SDK2: variants seen among roughly 807,000 people sequenced by gnomAD.
The protein encoded by SDK2 is sidekick cell adhesion molecule 2, also known as protein sidekick-2.
Under a neutral mutation model 253.9 loss-of-function variants are expected in SDK2, and 105 were observed. That is an observed-to-expected ratio of 0.41 (90% CI 0.35 to 0.49). The LOEUF is 0.49. SDK2 is among the 20% of genes least tolerant of loss of function. The probability of loss-of-function intolerance (pLI) is 0.06; values close to 1 mark genes in which losing one functional copy is unlikely to be tolerated. For synonymous variants in SDK2, 1,249 were observed against 1,234.9 expected (o/e 1.01, Z -0.24); for missense variants, 2,608 against 3,003.0 (o/e 0.87, Z 3.07).
chr17:73,334,509 A>C lies in SDK2; in HGVS notation c.*4078T>G, dbSNP rs2062363864. ...TAAAAAATAAACCTGCTAACACGCT[A>C]TATGACATAGAGATATATATTTTTT... On this transcript the variant is annotated 3_prime_UTR_variant, in exon 45 of 45. Coordinates refer to ENST00000392650, the MANE Select transcript of SDK2 (RefSeq NM_001144952.2). 6.6e-6 allele frequency: 1 copy of C among 152,260 alleles called. No homozygotes were observed. The highest frequency in any genetic ancestry group is 2.1e-4 in the South Asian group (1 of 4,836). 9.4% of individuals were successfully genotyped at this position (152,260 alleles called of 1,614,324 possible).
intron 36 of SDK2, among the ~76,000 whole-genome samples, chr17:73,370,276 T>C (rs2062723628): frequency 6.6e-6 from 1 of 152,054 alleles, no homozygotes; most frequent in Admixed American, 6.5e-5. Flanking sequence ...CAGGCCTCAC[T>C]CTGTTGCCCA....
In SDK2 at chr17:73,393,549, T is replaced by G. The variant is rs745745779; in HGVS notation, c.3898+11A>C. 2 of 1,539,520 alleles carry G rather than the reference T, an allele frequency of 1.3e-6. No homozygotes were observed. The highest frequency in any genetic ancestry group is 2.5e-5 in the South Asian group (2 of 79,174). ...CCAGCCTTCCCCAAGCTTGCTGGGATACGGACTCACCATCATCCAGCGTCC... is the reference window on the plus strand; with the variant it reads ...CCAGCCTTCCCCAAGCTTGCTGGGAGACGGACTCACCATCATCCAGCGTCC... On this transcript the variant is annotated intron_variant, in intron 27 of 44. Coordinates refer to ENST00000392650, the MANE Select transcript of SDK2 (RefSeq NM_001144952.2).
At chr17:73,601,239 C>T (rs1013553185) in intron 1 of SDK2, among the ~76,000 whole-genome samples, 5 of 151,856 alleles carry the variant, frequency 3.3e-5, no homozygotes, top group Non-Finnish European at 5.9e-5. Flanking sequence ...AGGCTGGTCT[C>T]GAACTCCTGA....
chr17:73,380,303 C>T (rs1259299272), intron 34 of SDK2, among the ~76,000 whole-genome samples: 1 of 152,126 alleles, frequency 6.6e-6, no homozygotes, highest in Admixed American at 6.6e-5. Context: ...AGAATTTAGC[C>T]TTAAACTAGT....
intron 36 of SDK2, among the ~76,000 whole-genome samples, chr17:73,374,698 C>T (rs113045508): frequency 0.12 from 17,354 of 149,242 alleles, 1,923 homozygotes; most frequent in East Asian, 0.27. Context: ...GAACTCCTGA[C>T]CTCAAGTGAT....
At chr17:73,394,360 G>T in intron 25 of SDK2, 36 bp from the exon 26 acceptor site, 1 of 1,418,432 alleles carries the variant, frequency 7.1e-7, no homozygotes, top group South Asian at 1.4e-5. Context: ...AGGCACTCAG[G>T]ACCCAACGTT....
chr17:73,388,084 G>T, intron 29 of SDK2, 47 bp from the exon 30 acceptor site: 1 of 1,334,956 alleles, frequency 7.5e-7, no homozygotes, highest in Non-Finnish European at 1.0e-6. Context: ...GCCAGGCCAT[G>T]GTGGAGGGGG....
chr17:73,391,707 G>A (rs2062929842), intron 27 of SDK2, among the ~76,000 whole-genome samples, 169 bp from the exon 28 acceptor site: 1 of 152,220 alleles, frequency 6.6e-6, no homozygotes, highest in African/African-American at 2.4e-5. Flanking sequence ...GGAGCCAGGG[G>A]CAAGAACGTG....
Position 73,383,833 on chromosome 17 carries a change from G to A in SDK2, c.4705+43C>T, listed in dbSNP as rs200993992. ...CCAGAGCGGGAAGGTGAGGGTGACC[G>A]CCCCCATCCCACCCATTCCTCTGGC... is the stretch of plus-strand genomic sequence containing the variant. On this transcript the variant is annotated intron_variant, in intron 33 of 44. Coordinates refer to ENST00000392650, the MANE Select transcript of SDK2 (RefSeq NM_001144952.2). The surrounding 1 kb of genome is among the most constrained non-coding windows in gnomAD (Gnocchi z 4.3). 4.5e-5 allele frequency: 72 copies of A among 1,607,214 alleles called. No individual in the cohort carries two copies. Among genetic ancestry groups the A allele is most frequent in the Admixed American group, 1.0e-4 (6 of 59,828 alleles).
At chr17:73,568,718 C>A (rs1392955001) in intron 1 of SDK2, among the ~76,000 whole-genome samples, 1 of 152,038 alleles carries the variant, frequency 6.6e-6, no homozygotes, top group African/African-American at 2.4e-5. Flanking sequence ...GCTGAAAATT[C>A]CCCAAATTTG....
At chr17:73,540,094 G>A (rs141518417) in intron 1 of SDK2, among the ~76,000 whole-genome samples, 3,303 of 151,726 alleles carry the variant, frequency 0.022, 34 homozygotes, top group Non-Finnish European at 0.032. Flanking sequence ...TGTGAGCCAC[G>A]GTACCCAGGA....
intron 2 of SDK2, among the ~76,000 whole-genome samples, chr17:73,493,167 C>T (rs1411067682): frequency 2.0e-5 from 3 of 152,100 alleles, no homozygotes; most frequent in African/African-American, 7.2e-5. Context: ...ATGGCCTGCA[C>T]CCATGTCTGT....
At chr17:73,437,899 A>G (rs2063382500) in intron 7 of SDK2, 65 bp downstream of exon 7, 2 of 1,604,894 alleles carry the variant, frequency 1.2e-6, no homozygotes, top group East Asian at 4.5e-5. Context: ...GTCACCCTTA[A>G]GGAGGACCCT....
chr17:73,546,847 G>T (rs1181730252), intron 1 of SDK2, among the ~76,000 whole-genome samples: 1 of 152,256 alleles, frequency 6.6e-6, no homozygotes, highest in Non-Finnish European at 1.5e-5. Flanking sequence ...AGTTATCAGG[G>T]TCTTGAGAAC....
In SDK2 at chr17:73,338,738, T is replaced by A; in HGVS notation, c.6368A>T (p.Gln2123Leu). 3 of 1,613,526 alleles carry A rather than the reference T, an allele frequency of 1.9e-6. No homozygotes were observed. Among genetic ancestry groups the A allele is most frequent in the Non-Finnish European group, 2.5e-6 (3 of 1,179,726 alleles). ...GGCCTTGGGCCGAAAGAGGCTGCCC[T>A]GCTGGGTGCTGGTGCTGTTGGTGAC... ...TTVTNSTSTQ[Q>L]GSLFRPKASR... Residue 2123 changes from glutamine (Q) to leucine (L), a missense_variant, in exon 45 of 45, where the codon CAG becomes CTG. By Grantham distance (113) the Gln-to-Leu change is moderately radical. Around this residue, in one of 2 missense-constraint regions of SDK2, gnomAD observed 1,103 missense variants for 1,143.9 expected, o/e 0.96. Transcript: ENST00000392650. This position sits in a 1 kb window ranked among gnomAD's most constrained non-coding sequence, Gnocchi z 5.0.
chr17:73,630,271 C>T (rs962314944), intron 1 of SDK2, among the ~76,000 whole-genome samples: 1 of 152,154 alleles, frequency 6.6e-6, no homozygotes, highest in Non-Finnish European at 1.5e-5. Context: ...CTCCCAGACC[C>T]ACTGCTTCAG....
intron 1 of SDK2, among the ~76,000 whole-genome samples, chr17:73,597,726 A>G (rs1344403514): frequency 2.0e-5 from 3 of 151,684 alleles, no homozygotes; most frequent in Non-Finnish European, 4.4e-5. Flanking sequence ...GCTCACTGCA[A>G]GCTCCGCCTC....
rs141756931 is a variant in SDK2 at position 73,489,649 on chromosome 17, C to T, written c.225-17431G>A. Among the ~76,000 whole-genome samples the T allele has an allele frequency of 6.2e-3, 946 of 152,302 alleles. 11 individuals are homozygous for T. The highest frequency in any genetic ancestry group is 0.022 in the African/African-American group (902 of 41,554). On this transcript the variant is annotated intron_variant, in intron 2 of 44. Coordinates refer to ENST00000392650, the MANE Select transcript of SDK2 (RefSeq NM_001144952.2). The stretch of plus-strand genomic sequence containing the variant: ...ACAGTCTCCAGGTTCTTCCCTATAA[C>T]GAGCTTGGTAGGTCAAGGGATGCTG...
At chr17:73,433,459 G>A (rs1393019103) in intron 10 of SDK2, among the ~76,000 whole-genome samples, 1 of 152,158 alleles carries the variant, frequency 6.6e-6, no homozygotes, top group African/African-American at 2.4e-5. Flanking sequence ...GCTAATTTTG[G>A]TATTTTTAGT....
Sources: allele counts gnomAD v4.1 joint callset (sites outside exome capture counted in the v4.1 genomes callset), GRCh38; gene constraint gnomAD v4.1.1; regional missense constraint gnomAD v4.1.1; non-coding constraint Gnocchi (gnomAD v3.1); transcripts MANE v1.5; gene names NCBI Gene and HGNC (gene_info 2026-07-23, HGNC 2026-07-21).